The following DIS3L2 variants were observed in gnomAD, a reference collection of about 807,000 sequenced individuals.
DIS3L2 encodes the protein DIS3-like exonuclease 2.
A neutral mutation model predicts 97.5 loss-of-function variants in DIS3L2; 34 were observed. The observed-to-expected ratio is 0.35, with a 90% confidence interval of 0.27 to 0.46. DIS3L2 has a LOEUF of 0.46. DIS3L2 is among the 20% of genes least tolerant of loss of function. DIS3L2 has a pLI of 1.00. For missense variants in DIS3L2, 1,038 were observed against 1,146.0 expected, an observed-to-expected ratio of 0.91 and a Z score of 1.36; for synonymous variants, 435 against 445.2, an observed-to-expected ratio of 0.98 and a Z score of 0.29.
At chr2:232,189,286 A>T (rs1039331357) in intron 9 of DIS3L2, among the ~76,000 whole-genome samples, 3 of 152,214 alleles carry the variant, frequency 2.0e-5, no homozygotes, top group Admixed American at 2.0e-4. Flanking sequence ...TTTCTATAGC[A>T]GTTTTACATA....
intron 1 of DIS3L2, among the ~76,000 whole-genome samples, chr2:231,964,078 A>G (rs1290398822): frequency 1.3e-5 from 2 of 152,136 alleles, no homozygotes; most frequent in Admixed American, 6.6e-5. Flanking sequence ...ATACAGTTTT[A>G]TATCTTCTGC....
intron 10 of DIS3L2, among the ~76,000 whole-genome samples, chr2:232,214,577 C>T (rs1280923327): frequency 6.6e-6 from 1 of 152,112 alleles, no homozygotes; most frequent in East Asian, 1.9e-4. Context: ...GAGGTGTGAG[C>T]CCATCTCCCA....
chr2:232,030,553 C>T (rs936958468), intron 5 of DIS3L2, among the ~76,000 whole-genome samples: 1 of 152,022 alleles, frequency 6.6e-6, no homozygotes, highest in Non-Finnish European at 1.5e-5. Flanking sequence ...AATAGTTGGT[C>T]TGTGTTTTTA....
At chr2:232,198,246 A>G (rs1469066663) in intron 9 of DIS3L2, among the ~76,000 whole-genome samples, 2 of 152,170 alleles carry the variant, frequency 1.3e-5, no homozygotes, top group African/African-American at 4.8e-5. Context: ...ATAGAGAAAA[A>G]AAAGTGTTTT....
chr2:232,008,523 C>CT (rs1694112076), intron 1 of DIS3L2, among the ~76,000 whole-genome samples: 1 of 152,060 alleles, frequency 6.6e-6, no homozygotes, highest in South Asian at 2.1e-4. Flanking sequence ...GGTAGGATGT[C>CT]TATGCTGGAA....
In DIS3L2 at chr2:232,014,816, A is replaced by C; in HGVS notation, c.-93-19A>C. ...ACAGCTTAACCGCTCTCCAATTACCAATCTCTTCTTGGTTTCAGCGAATGA... is the reference window on the plus strand; with the variant it reads ...ACAGCTTAACCGCTCTCCAATTACCCATCTCTTCTTGGTTTCAGCGAATGA... On this transcript the variant is annotated intron_variant, in intron 1 of 20. Transcript: ENST00000325385. 1 of 1,184,262 alleles carries C rather than the reference A, an allele frequency of 8.4e-7. No homozygotes were observed. The allele number at this position is 1,184,262 out of a possible 1,614,324, so 73.4% of individuals were successfully genotyped here.
chr2:232,263,372 A>G lies in DIS3L2; in HGVS notation c.1591A>G (p.Asn531Asp), dbSNP rs1200400779. The stretch of plus-strand genomic sequence containing the variant: ...CGAGGAGGTACACCAGGCCGTCTTG[A>G]ATCTCCACGGAATTGCCAAGCAGTT... ...SSEEVHQAVLNLHGIAKQLRQ... is the reference protein window; with the variant it reads ...SSEEVHQAVLDLHGIAKQLRQ... The change falls in exon 13 of 21, where the codon AAT becomes GAT. Residue 531 changes from asparagine to aspartate, a missense_variant. Physicochemically the swap from Asn to Asp is conservative, Grantham distance 23. This residue lies in a region of DIS3L2 where 813 missense variants were observed against 880.1 expected (regional missense o/e 0.92). Coordinates refer to ENST00000325385, the MANE Select transcript of DIS3L2 (RefSeq NM_152383.5). 6.2e-7 allele frequency: 1 copy of G among 1,614,186 alleles called. No homozygotes were observed. The highest frequency in any genetic ancestry group is 8.5e-7 in the Non-Finnish European group (1 of 1,180,040).
intron 3 of DIS3L2, among the ~76,000 whole-genome samples, chr2:232,021,673 C>T (rs1694518103): frequency 6.6e-6 from 1 of 151,966 alleles, no homozygotes; most frequent in South Asian, 2.1e-4. Flanking sequence ...AGCTTTGACC[C>T]ACCTGTAAAT....
intron 9 of DIS3L2, among the ~76,000 whole-genome samples, chr2:232,193,935 C>A (rs1030150930): frequency 2.0e-5 from 3 of 152,020 alleles, no homozygotes; most frequent in Non-Finnish European, 4.4e-5. Flanking sequence ...ACGGCAAAAC[C>A]CTGTCTCTAT....
At chr2:232,078,901 T>C (rs1696295920) in intron 5 of DIS3L2, among the ~76,000 whole-genome samples, 1 of 152,150 alleles carries the variant, frequency 6.6e-6, no homozygotes, top group African/African-American at 2.4e-5. Context: ...CTGGGAAGAT[T>C]ATGTGGTGGA....
chr2:232,160,841 G>A (rs1160522064), intron 8 of DIS3L2, among the ~76,000 whole-genome samples: 1 of 152,184 alleles, frequency 6.6e-6, no homozygotes, highest in Non-Finnish European at 1.5e-5. Flanking sequence ...GGGTGACAGA[G>A]TGAGACCCTG....
At chr2:231,977,201 A>T (rs1250073275) in intron 1 of DIS3L2, among the ~76,000 whole-genome samples, 1 of 152,222 alleles carries the variant, frequency 6.6e-6, no homozygotes. Context: ...ACCATTGTAA[A>T]GTTGAAAAAT....
At chr2:232,003,325 T>C (rs1693959674) in intron 1 of DIS3L2, among the ~76,000 whole-genome samples, 1 of 152,232 alleles carries the variant, frequency 6.6e-6, no homozygotes, top group Admixed American at 6.5e-5. Flanking sequence ...TGTTTCAGTT[T>C]ATTGTGTCAT....
At chr2:232,081,096 A>G (rs1696377177) in intron 5 of DIS3L2, among the ~76,000 whole-genome samples, 1 of 152,196 alleles carries the variant, frequency 6.6e-6, no homozygotes, top group South Asian at 2.1e-4. Flanking sequence ...TTGAGTGTGC[A>G]TGGTAATGTT....
At chr2:232,018,857 C>T (rs558846536) in intron 3 of DIS3L2, among the ~76,000 whole-genome samples, 42 of 152,092 alleles carry the variant, frequency 2.8e-4, no homozygotes, top group Middle Eastern at 3.4e-3. Flanking sequence ...AACACATGGT[C>T]ATGTACATGT....
At chr2:232,006,965 TA>T (rs1393112092) in intron 1 of DIS3L2, among the ~76,000 whole-genome samples, 1 of 152,210 alleles carries the variant, frequency 6.6e-6, no homozygotes, top group Non-Finnish European at 1.5e-5. Context: ...ATAGACGTCA[TA>T]TTCCAAAAGA....
intron 9 of DIS3L2, among the ~76,000 whole-genome samples, chr2:232,188,493 T>A (rs1437192810): frequency 6.6e-6 from 1 of 152,224 alleles, no homozygotes. Flanking sequence ...TAGCCTTTCA[T>A]AAAATGGCAT....
intron 9 of DIS3L2, among the ~76,000 whole-genome samples, chr2:232,208,250 C>T (rs185126117): frequency 4.9e-4 from 74 of 152,100 alleles, no homozygotes; most frequent in Middle Eastern, 3.4e-3. Flanking sequence ...GTTTTCATTC[C>T]GTTCCGTTCC....
chr2:232,096,376 G>A (rs905575840), intron 6 of DIS3L2, among the ~76,000 whole-genome samples: 5 of 150,716 alleles, frequency 3.3e-5, no homozygotes, highest in African/African-American at 1.2e-4. Context: ...GTGAGCCACT[G>A]CACCCAGCGC....
Sources: allele counts gnomAD v4.1 joint callset (sites outside exome capture counted in the v4.1 genomes callset), GRCh38; gene constraint gnomAD v4.1.1; regional missense constraint gnomAD v4.1.1; transcripts MANE v1.5; gene names NCBI Gene and HGNC (gene_info 2026-07-23, HGNC 2026-07-21).